GNG12: variants seen among roughly 807,000 people sequenced by gnomAD.
The protein encoded by GNG12 is G protein subunit gamma 12.
For missense variants in GNG12, 69 were observed against 83.8 expected, an observed-to-expected ratio of 0.82 and a Z score of 0.69; for synonymous variants, 28 against 29.7, an observed-to-expected ratio of 0.94 and a Z score of 0.19.
intron 1 of GNG12, among the ~76,000 whole-genome samples, chr1:67,781,794 T>G (rs1646739029): frequency 6.6e-6 from 1 of 152,152 alleles, no homozygotes; most frequent in Non-Finnish European, 1.5e-5. Context: ...TCAAGCAACT[T>G]GGTCAATGAT....
chr1:67,780,810 C>T (rs1646733447), intron 1 of GNG12, among the ~76,000 whole-genome samples: 1 of 152,180 alleles, frequency 6.6e-6, no homozygotes, highest in African/African-American at 2.4e-5. Context: ...CCAAGTTCAT[C>T]AGTTTTATTT....
chr1:67,757,989 G>A (rs72922785), intron 2 of GNG12, among the ~76,000 whole-genome samples: 8,493 of 151,204 alleles, frequency 0.056, 709 homozygotes, highest in African/African-American at 0.19. Flanking sequence ...TTGTTTTTTT[G>A]AGACAGAGTT....
chr1:67,753,335 G>A (rs540410834), intron 2 of GNG12, among the ~76,000 whole-genome samples: 1 of 146,188 alleles, frequency 6.8e-6, no homozygotes, highest in Non-Finnish European at 1.5e-5. Flanking sequence ...AGTATATAAT[G>A]TAAATATTCC....
intron 2 of GNG12, among the ~76,000 whole-genome samples, chr1:67,710,798 A>AG (rs1329553977): frequency 5.9e-5 from 9 of 152,120 alleles, no homozygotes; most frequent in African/African-American, 2.2e-4. Context: ...CGTTACTCAG[A>AG]GGCTCCCTGC....
chr1:67,826,221 C>T (rs1483813668), intron 1 of GNG12, among the ~76,000 whole-genome samples: 1 of 152,142 alleles, frequency 6.6e-6, no homozygotes, highest in African/African-American at 2.4e-5. Flanking sequence ...CATATTGTGC[C>T]TTTGTGTGTG....
At position 67,806,720 on chromosome 1, in the gene GNG12, C is replaced by G. The variant is rs188507133; in HGVS notation, c.-77+26624G>C. ...ACATAATGATAAAGGGGTCAATTCT[C>G]CAATACAACATAACAATATTTGTCA... On this transcript the variant is annotated intron_variant, in intron 1 of 3. Coordinates refer to ENST00000370982, the MANE Select transcript of GNG12 (RefSeq NM_018841.6). Among the ~76,000 whole-genome samples the G allele has an allele frequency of 3.9e-5, 6 of 152,222 alleles. No homozygotes were observed. In the East Asian group the frequency reaches 1.2e-3, roughly 29 times the overall value.
rs114564335 is a variant in GNG12, at chr1:67,812,968, C to G, written c.-77+20376G>C. 3.4e-3 allele frequency among the ~76,000 whole-genome samples: 518 copies of G among 152,272 alleles called. 1 individual carries two copies. Among genetic ancestry groups the G allele is most frequent in the Admixed American group, 6.2e-3 (95 of 15,298 alleles). ...GAATCCTGGAGCTGCCACCAATTAG[C>G]TATGTGAACTTGGCAAATCTCTGGG... On this transcript the variant is annotated intron_variant, in intron 1 of 3. Transcript: ENST00000370982.
At chr1:67,763,446 T>G (rs1379185645) in intron 2 of GNG12, among the ~76,000 whole-genome samples, 5 of 152,164 alleles carry the variant, frequency 3.3e-5, no homozygotes, top group African/African-American at 1.2e-4. Context: ...GGAATGTCCC[T>G]CAATTTGGGT....
chr1:67,801,738 T>C (rs759183642), intron 1 of GNG12, among the ~76,000 whole-genome samples: 2 of 152,184 alleles, frequency 1.3e-5, no homozygotes, highest in Non-Finnish European at 2.9e-5. Context: ...CTTAACGGTG[T>C]GAATTTGGAG....
Position 67,817,570 on chromosome 1 carries a change from C to T in GNG12, c.-77+15774G>A, listed in dbSNP as rs182678088. On this transcript the variant is annotated intron_variant, in intron 1 of 3. Transcript: ENST00000370982. ...GCCTTGCCCTGGCTCAGGCATAGCCCGGCACACCCCTCCTCTGTGCTTCCA... is the reference window on the plus strand; with the variant it reads ...GCCTTGCCCTGGCTCAGGCATAGCCTGGCACACCCCTCCTCTGTGCTTCCA... Among the ~76,000 whole-genome samples the T allele has an allele frequency of 7.2e-5, 10 of 139,172 alleles. No homozygotes were observed. In the East Asian group the frequency reaches 1.5e-3, roughly 20 times the overall value. 91.3% of individuals were successfully genotyped at this position (139,172 alleles called of 152,430 possible). A position where few individuals can be genotyped will look rare whatever the true frequency, so the allele number is the denominator to read the frequency against.
intron 2 of GNG12, among the ~76,000 whole-genome samples, chr1:67,732,624 G>T (rs1249646466): frequency 6.6e-6 from 1 of 152,198 alleles, no homozygotes; most frequent in Non-Finnish European, 1.5e-5. Context: ...TGTTTTCTTT[G>T]TATAACACTG....
chr1:67,763,689 C>G (rs1646619879), intron 2 of GNG12, among the ~76,000 whole-genome samples: 1 of 152,130 alleles, frequency 6.6e-6, no homozygotes, highest in Admixed American at 6.6e-5. Context: ...CCATTTTACA[C>G]AAGCATGTCC....
chr1:67,762,804 T>C (rs543326941), intron 2 of GNG12, among the ~76,000 whole-genome samples: 110 of 152,302 alleles, frequency 7.2e-4, no homozygotes, highest in Non-Finnish European at 1.2e-3. Flanking sequence ...TATATTTCCT[T>C]CTAATATTTT....
At chr1:67,798,139 G>C (rs879538258) in intron 1 of GNG12, among the ~76,000 whole-genome samples, 1 of 152,130 alleles carries the variant, frequency 6.6e-6, no homozygotes, top group Non-Finnish European at 1.5e-5. Flanking sequence ...GGCATGGACT[G>C]GTCTGTTTGT....
intron 2 of GNG12, among the ~76,000 whole-genome samples, chr1:67,737,357 C>CA (rs1403649497): frequency 6.6e-6 from 1 of 152,166 alleles, no homozygotes; most frequent in East Asian, 1.9e-4. Flanking sequence ...TAAATGATTT[C>CA]TGTTCTAAGG....
At chr1:67,791,653 C>T (rs952063841) in intron 1 of GNG12, among the ~76,000 whole-genome samples, 1 of 152,086 alleles carries the variant, frequency 6.6e-6, no homozygotes, top group Non-Finnish European at 1.5e-5. Flanking sequence ...CTTCAAAATA[C>T]CTCCAGAATC....
intron 2 of GNG12, among the ~76,000 whole-genome samples, chr1:67,776,794 T>C (rs1401251493): frequency 6.6e-6 from 1 of 152,152 alleles, no homozygotes; most frequent in Non-Finnish European, 1.5e-5. Context: ...CCAGTAAATT[T>C]TGACTCAAAA....
At chr1:67,786,777 A>G (rs1646769848) in intron 1 of GNG12, among the ~76,000 whole-genome samples, 1 of 151,820 alleles carries the variant, frequency 6.6e-6, no homozygotes, top group Admixed American at 6.6e-5. Flanking sequence ...CAAAAACAAC[A>G]ACAAAAAAAA....
chr1:67,726,910 G>C (rs1274481376), intron 2 of GNG12, among the ~76,000 whole-genome samples: 1 of 152,058 alleles, frequency 6.6e-6, no homozygotes, highest in Admixed American at 6.6e-5. Flanking sequence ...ACTACCTTTG[G>C]TTTCAAAAGC....
Sources: allele counts gnomAD v4.1 joint callset (sites outside exome capture counted in the v4.1 genomes callset), GRCh38; gene constraint gnomAD v4.1.1; transcripts MANE v1.5; gene names NCBI Gene and HGNC (gene_info 2026-07-23, HGNC 2026-07-21).